CUBN: variants seen among roughly 807,000 people sequenced by gnomAD.
CUBN encodes 460 kDa receptor.
In CUBN, 282 loss-of-function variants were observed where a neutral mutation model predicts 405.3. That is an observed-to-expected ratio of 0.70 (90% CI 0.63 to 0.77). The LOEUF is 0.77. Ranked by LOEUF, CUBN falls within the 30% of genes least tolerant of loss-of-function variation. The probability of loss-of-function intolerance (pLI) is 0.00; values close to 1 mark genes in which losing one functional copy is unlikely to be tolerated. For synonymous variants in CUBN, 1,684 were observed against 1,617.0 expected (o/e 1.04, Z -0.99); for missense variants, 4,514 against 4,475.2 (o/e 1.01, Z -0.25).
chr10:16,973,268 G>C (rs1832991097), intron 31 of CUBN, among the ~76,000 whole-genome samples: 1 of 152,116 alleles, frequency 6.6e-6, no homozygotes, highest in African/African-American at 2.4e-5. Flanking sequence ...CTACTGGCGA[G>C]ACTCTGCCAC....
intron 31 of CUBN, among the ~76,000 whole-genome samples, chr10:16,981,792 A>T (rs1833283242): frequency 6.6e-6 from 1 of 152,148 alleles, no homozygotes; most frequent in East Asian, 1.9e-4. Context: ...AGTCCTGTAA[A>T]GGAGTCAAGG....
At position 16,928,138 on chromosome 10, in the gene CUBN, A is replaced by G; in HGVS notation, c.6271+19T>C. On this transcript the variant is annotated intron_variant, in intron 41 of 66. Transcript: ENST00000377833. ...GGAGATGAGATAACATGGGATTAAA[A>G]AATATTTGAACTCATTACTCTTGTG... 1 of 1,612,142 alleles carries G rather than the reference A, an allele frequency of 6.2e-7. No individual in the cohort carries two copies. Among genetic ancestry groups the G allele is most frequent in the Non-Finnish European group, 8.5e-7 (1 of 1,178,944 alleles).
chr10:17,075,462 G>A (rs1835838911), intron 17 of CUBN, among the ~76,000 whole-genome samples: 2 of 152,022 alleles, frequency 1.3e-5, no homozygotes, highest in South Asian at 4.1e-4. Context: ...CATAACTGGT[G>A]GAAGTATAAA....
chr10:17,053,830 T>C (rs189228683), intron 22 of CUBN, among the ~76,000 whole-genome samples: 1 of 152,168 alleles, frequency 6.6e-6, no homozygotes, highest in African/African-American at 2.4e-5. Flanking sequence ...GTAACACAAT[T>C]CTCCATAAAT....
intron 31 of CUBN, among the ~76,000 whole-genome samples, chr10:16,960,297 G>C (rs1011848081): frequency 6.6e-6 from 1 of 152,186 alleles, no homozygotes; most frequent in African/African-American, 2.4e-5. Context: ...TTTGAGACCA[G>C]TCTGGCCAAC....
Position 16,941,973 on chromosome 10 carries a change from G to GA in CUBN, c.5343-1737dup, listed in dbSNP as rs558368332. 1.2e-4 allele frequency among the ~76,000 whole-genome samples: 19 copies of GA among 152,142 alleles called. No individual in the cohort carries two copies. In the South Asian group the frequency reaches 3.1e-3, roughly 25 times the overall value. On this transcript the variant is annotated intron_variant, in intron 36 of 66. Coordinates refer to ENST00000377833, the MANE Select transcript of CUBN (RefSeq NM_001081.4). ...TATAAAAGGAATTCCTACAGATAAT[G>GA]AAAAAACAACCAAATTAAAAGTGGA...
intron 9 of CUBN, among the ~76,000 whole-genome samples, chr10:17,110,500 A>G (rs1836746639): frequency 6.6e-6 from 1 of 152,098 alleles, no homozygotes; most frequent in African/African-American, 2.4e-5. Flanking sequence ...TTTCTGTACT[A>G]TTTCCTCTCC....
At chr10:17,086,030 A>T (rs925277951) in intron 15 of CUBN, among the ~76,000 whole-genome samples, 2 of 146,902 alleles carry the variant, frequency 1.4e-5, no homozygotes, top group African/African-American at 5.1e-5. Flanking sequence ...CAGTGGTGCG[A>T]TCTCAGCTGA....
chr10:16,848,534 G>T (rs141604300), intron 60 of CUBN, among the ~76,000 whole-genome samples: 1 of 151,978 alleles, frequency 6.6e-6, no homozygotes, highest in East Asian at 1.9e-4. Flanking sequence ...ATGAGGAATC[G>T]GGGAGATTAG....
At chr10:17,054,244 T>A (rs957136012) in intron 22 of CUBN, among the ~76,000 whole-genome samples, 1 of 149,156 alleles carries the variant, frequency 6.7e-6, no homozygotes, top group Non-Finnish European at 1.5e-5. Flanking sequence ...GGCAGGAGAA[T>A]CACTTGAAAC....
chr10:17,050,295 C>T (rs1835234174), intron 22 of CUBN, among the ~76,000 whole-genome samples: 1 of 152,170 alleles, frequency 6.6e-6, no homozygotes, highest in Non-Finnish European at 1.5e-5. Context: ...ATCTGCAGTA[C>T]AAGATTGTGA....
At chr10:16,842,434 T>C (rs1488210689) in intron 60 of CUBN, among the ~76,000 whole-genome samples, 5 of 152,286 alleles carry the variant, frequency 3.3e-5, no homozygotes, top group South Asian at 4.1e-4. Context: ...TCTGTCCCAC[T>C]AGCCCTCCCA....
rs200658389 is a variant in CUBN, at chr10:17,071,955, G to T, written c.2318C>A (p.Thr773Asn). 1 of 1,612,578 alleles carries T rather than the reference G, an allele frequency of 6.2e-7. No homozygotes were observed. Among genetic ancestry groups the T allele is most frequent in the African/African-American group, 1.3e-5 (1 of 74,976 alleles). The change falls in exon 18 of 67, where the codon ACC (threonine) becomes AAC (asparagine). Residue 773 changes from threonine (T) to asparagine (N), a missense_variant. Transcript: ENST00000377833. ...QNYIEVRDGETLLGKVCGNGT... is the reference protein window; with the variant it reads ...QNYIEVRDGENLLGKVCGNGT... ...GTTGCCACAGACTTTTCCAAGTAAG[G>T]TTTCACCATCTCGAACCTAAAGAGA...
At chr10:16,994,158 G>A (rs1270893998) in intron 28 of CUBN, among the ~76,000 whole-genome samples, 2 of 152,130 alleles carry the variant, frequency 1.3e-5, no homozygotes, top group East Asian at 3.9e-4. Context: ...AAATTTGAAA[G>A]AGGTAAAATA....
intron 56 of CUBN, among the ~76,000 whole-genome samples, chr10:16,887,149 A>G (rs1169234886): frequency 3.9e-5 from 6 of 152,250 alleles, no homozygotes; most frequent in African/African-American, 1.2e-4. Flanking sequence ...TGTTGACTCA[A>G]TAAGACAGTT....
At chr10:16,980,998 G>T (rs1194766959) in intron 31 of CUBN, among the ~76,000 whole-genome samples, 1 of 152,030 alleles carries the variant, frequency 6.6e-6, no homozygotes, top group Non-Finnish European at 1.5e-5. Context: ...GTAGTGATGG[G>T]CCAGAAGGCA....
intron 28 of CUBN, among the ~76,000 whole-genome samples, chr10:16,997,225 G>A (rs1833761443): frequency 6.6e-6 from 1 of 152,114 alleles, no homozygotes; most frequent in South Asian, 2.1e-4. Context: ...CACAAGGTCT[G>A]GAGATCGAGA....
chr10:16,940,337 A>G, intron 36 of CUBN, 100 bp from the exon 37 acceptor site: 1 of 1,103,920 alleles, frequency 9.1e-7, no homozygotes. Context: ...ACTTTTTTAA[A>G]CTTTCTTTAA....
rs2131465209 is a variant in CUBN, at chr10:16,918,779, C to A, written c.6843G>T (p.Glu2281Asp). The stretch of plus-strand genomic sequence containing the variant: ...CATCCGAATCCACTCCATCCCGCAA[C>A]TCAAGGTAGTTGGAAGTACAGCTGA... ...VTPNCTSNYL[E>D]LRDGVDSDAP... is the part of the protein sequence containing the mutation. Residue 2281 changes from glutamate (E) to aspartate (D), a missense_variant, in exon 45 of 67, where the codon GAG (glutamate) becomes GAT (aspartate). Glu to Asp is a conservative substitution (Grantham distance 45). Around this residue, in one of 5 missense-constraint regions of CUBN, gnomAD observed 1,613 missense variants for 1,542.8 expected, o/e 1.05. Transcript: ENST00000377833. 1.2e-6 allele frequency: 2 copies of A among 1,613,788 alleles called. No individual in the cohort carries two copies. Among genetic ancestry groups the A allele is most frequent in the Non-Finnish European group, 1.7e-6 (2 of 1,179,806 alleles).
Sources: gnomAD v4.1 joint callset for allele counts (sites outside exome capture counted in the v4.1 genomes callset) on GRCh38, gnomAD v4.1.1 for gene constraint, gnomAD v4.1.1 regional missense constraint, MANE v1.5 for transcripts, NCBI Gene and HGNC (gene_info 2026-07-23, HGNC 2026-07-21) for gene names.